Variants in GRIP2 observed in about 807,000 individuals in gnomAD.
The protein encoded by GRIP2 is glutamate receptor interacting protein 2, also known as glutamate receptor-interacting protein 2.
A neutral mutation model predicts 108.3 loss-of-function variants in GRIP2; 58 were observed. The observed-to-expected ratio is 0.54, with a 90% CI of 0.43 to 0.67. The LOEUF is 0.67. Among genes scored for constraint, GRIP2 ranks in the 30% least tolerant of loss-of-function variants. The probability of loss-of-function intolerance (pLI) is 0.00; values close to 1 mark genes in which losing one functional copy is unlikely to be tolerated. For missense variants in GRIP2, 1,278 were observed against 1,430.6 expected (o/e 0.89, Z 1.72); for synonymous variants, 586 against 598.2 (o/e 0.98, Z 0.30).
At chr3:14,573,826 G>T in the GRIP2 span, 1 of 1,511,438 alleles carries the variant, frequency 6.6e-7, no homozygotes, top group Non-Finnish European at 9.2e-7. Context: ...GCGCTGGAAT[G>T]GATGGGTCAC....
chr3:14,558,831 C>T (rs545326037), upstream of GRIP2, among the ~76,000 whole-genome samples: 11 of 152,326 alleles, frequency 7.2e-5, 1 homozygote, highest in South Asian at 2.3e-3. Flanking sequence ...GGAGCCCAGC[C>T]TGAAAACTCC....
chr3:14,583,023 A>C, the GRIP2 span, among the ~76,000 whole-genome samples: 1 of 152,196 alleles, frequency 6.6e-6, no homozygotes, highest in Non-Finnish European at 1.5e-5. Flanking sequence ...CTATGTGTTC[A>C]TTTCCCAGAT....
Position 14,540,107 on chromosome 3 carries a change from C to G in GRIP2, c.40+162G>C, listed in dbSNP as rs557564994. On this transcript the variant is annotated intron_variant, in intron 1 of 23. Transcript: ENST00000621039. This position sits in a 1 kb window ranked among gnomAD's most constrained non-coding sequence, Gnocchi z 4.1. ...AGGACAGTGGCCAGGGTCAGACAGA[C>G]AGCCCCAGCAAGTGTCCTGCCCCAC... Among the ~76,000 whole-genome samples the G allele has an allele frequency of 5.9e-5, 9 of 152,234 alleles. No individual in the cohort carries two copies. The highest frequency in any genetic ancestry group is 1.2e-4 in the Non-Finnish European group (8 of 67,982).
the GRIP2 span, among the ~76,000 whole-genome samples, chr3:14,594,935 C>G: frequency 6.6e-6 from 1 of 152,216 alleles, no homozygotes; most frequent in Non-Finnish European, 1.5e-5. Flanking sequence ...CTCACCCTGT[C>G]ACCCAGGCCA....
At chr3:14,593,863 G>A in the GRIP2 span, among the ~76,000 whole-genome samples, 3 of 152,170 alleles carry the variant, frequency 2.0e-5, no homozygotes, top group East Asian at 3.8e-4. Context: ...GGCCCAAAGA[G>A]TTGAGAGCTA....
chr3:14,574,590 G>A, the GRIP2 span: 4 of 717,264 alleles, frequency 5.6e-6, no homozygotes, highest in Admixed American at 1.9e-5. Flanking sequence ...GTCCGGGTAT[G>A]TGGACAGCTC....
Position 14,513,734 on chromosome 3 carries a change from C to T in GRIP2, c.1570G>A (p.Ala524Thr), listed in dbSNP as rs901614226. 21 of 1,610,936 alleles carry T rather than the reference C, an allele frequency of 1.3e-5. 1 individual carries two copies. The highest frequency in any genetic ancestry group is 9.3e-5 in the African/African-American group (7 of 74,896). ...IATEDGTMEE[A>T]NQLLRDAALA... is the part of the protein sequence containing the mutation. ...GCGGCGTCCCGCAGGAGCTGGTTGG[C>T]TTCCTCCATAGTCCCGTCCTCGGTG... Residue 524 changes from alanine (A) to threonine (T), a missense_variant, in exon 13 of 24, where the codon GCC becomes ACC. Ala to Thr is a moderately conservative substitution (Grantham distance 58). Coordinates refer to ENST00000621039, the MANE Select transcript of GRIP2 (RefSeq NM_001080423.4).
At chr3:14,517,500 T>A (rs1036374843) in intron 10 of GRIP2, among the ~76,000 whole-genome samples, 1 of 103,936 alleles carries the variant, frequency 9.6e-6, no homozygotes, top group Admixed American at 9.8e-5. Flanking sequence ...CTCTCTTTTT[T>A]TTTTTTTTTT....
chr3:14,521,092 T>G lies in GRIP2; in HGVS notation c.712+550A>C, dbSNP rs1694395691. 1 of 166,126 alleles carries G rather than the reference T, an allele frequency of 6.0e-6. No homozygotes were observed. Among genetic ancestry groups the G allele is most frequent in the Non-Finnish European group, 1.3e-5 (1 of 76,358 alleles). 10.3% of individuals were successfully genotyped at this position (166,126 alleles called of 1,614,324 possible). On this transcript the variant is annotated intron_variant, in intron 7 of 23. Transcript: ENST00000621039. The surrounding 1 kb of genome is among the most constrained non-coding windows in gnomAD (Gnocchi z 5.1). Reference sequence around the variant, plus strand: ...CTTGGACAGCTGCTGCCGCTTCCTATGGCCTCCCGGCTTCCACCTCACCCT... The same window carrying G: ...CTTGGACAGCTGCTGCCGCTTCCTAGGGCCTCCCGGCTTCCACCTCACCCT...
At position 14,505,840 on chromosome 3, in the gene GRIP2, C is replaced by T. The variant is rs572754646; in HGVS notation, c.2399-51G>A. ...GTTCCCTGCGGCCTCACCTTGCCCT[C>T]CTGCCTGCCCCATTTCCAGCTGTGC... On this transcript the variant is annotated intron_variant, in intron 19 of 23. Transcript: ENST00000621039. The surrounding 1 kb of genome is among the most constrained non-coding windows in gnomAD (Gnocchi z 4.2). 2 of 1,446,728 alleles carry T rather than the reference C, an allele frequency of 1.4e-6. No homozygotes were observed. Among genetic ancestry groups the T allele is most frequent in the African/African-American group, 2.9e-5 (2 of 69,518 alleles). The allele number at this position is 1,446,728 out of a possible 1,614,324, so 89.6% of individuals were successfully genotyped here.
At chr3:14,586,573 G>A in the GRIP2 span, among the ~76,000 whole-genome samples, 1 of 152,154 alleles carries the variant, frequency 6.6e-6, no homozygotes, top group Non-Finnish European at 1.5e-5. Flanking sequence ...AGAGGAAGTG[G>A]GGAGGCCTCA....
intron 20 of GRIP2, among the ~76,000 whole-genome samples, chr3:14,504,815 C>T (rs922585332): frequency 6.6e-6 from 1 of 152,158 alleles, no homozygotes; most frequent in African/African-American, 2.4e-5. Flanking sequence ...AAAGTGTGGC[C>T]CCTGTTCTTA....
chr3:14,519,505 T>C (rs1327048353), intron 9 of GRIP2, among the ~76,000 whole-genome samples: 1 of 152,220 alleles, frequency 6.6e-6, no homozygotes, highest in Non-Finnish European at 1.5e-5. Flanking sequence ...GGAGCAAAGA[T>C]GGGACTTTCA....
At chr3:14,573,199 T>C in the GRIP2 span, 1 of 1,412,418 alleles carries the variant, frequency 7.1e-7, no homozygotes, top group South Asian at 1.2e-5. Flanking sequence ...CGCTCCAGGA[T>C]CTGCCAGCTC....
intron 1 of GRIP2, among the ~76,000 whole-genome samples, chr3:14,547,590 A>G (rs1387554730): frequency 6.6e-6 from 1 of 152,130 alleles, no homozygotes; most frequent in Non-Finnish European, 1.5e-5. Flanking sequence ...GGAGGGAGAG[A>G]GGGATAGGGT....
At chr3:14,504,024 G>A (rs1411690899) in intron 20 of GRIP2, 5 of 280,398 alleles carry the variant, frequency 1.8e-5, no homozygotes, top group Non-Finnish European at 3.4e-5. Context: ...CCCAGAGGAC[G>A]GCCCCTGGCC....
the GRIP2 span, among the ~76,000 whole-genome samples, chr3:14,562,731 ACTCCCGAGGCAGACG>A: frequency 3.4e-4 from 11 of 32,374 alleles, no homozygotes; most frequent in Admixed American, 1.3e-3. Flanking sequence ...CGGTCCTCGG[ACTCCCGAGGCAGACG>A]GTCCTCGGAC....
upstream of GRIP2, chr3:14,540,505 G>T: frequency 7.7e-7 from 1 of 1,298,628 alleles, no homozygotes. This position sits in a 1 kb window ranked among gnomAD's most constrained non-coding sequence, Gnocchi z 4.1. Context: ...TCCAGGACAG[G>T]GTCCAACATG....
At chr3:14,495,528 T>C (rs1018586148) in intron 22 of GRIP2, among the ~76,000 whole-genome samples, 2 of 152,014 alleles carry the variant, frequency 1.3e-5, no homozygotes, top group Admixed American at 6.6e-5. Flanking sequence ...TGCCTCAGCC[T>C]CCCGAATAGC....
Sources: allele counts gnomAD v4.1 joint callset (sites outside exome capture counted in the v4.1 genomes callset), GRCh38; gene constraint gnomAD v4.1.1; non-coding constraint Gnocchi (gnomAD v3.1); transcripts MANE v1.5; gene names NCBI Gene and HGNC (gene_info 2026-07-23, HGNC 2026-07-21).